Variants in HOOK1 observed in about 807,000 individuals in gnomAD.
The protein encoded by HOOK1 is protein Hook homolog 1.
Under a neutral mutation model 112.8 loss-of-function variants are expected in HOOK1, and 60 were observed. The observed-to-expected ratio is 0.53, with a 90% CI of 0.43 to 0.66. The LOEUF (loss-of-function observed/expected upper bound fraction) is 0.66. Ranked by LOEUF, HOOK1 falls within the 30% of genes least tolerant of loss-of-function variation. The pLI is 0.00. For synonymous variants in HOOK1, 294 were observed against 283.8 expected (o/e 1.04, Z -0.36); for missense variants, 770 against 856.0 (o/e 0.90, Z 1.25).
chr1:59,821,812 G>T (rs762686079), intron 1 of HOOK1, 46 bp from the exon 2 acceptor site: 7 of 1,240,690 alleles, frequency 5.6e-6, no homozygotes, highest in South Asian at 3.2e-5. Flanking sequence ...ATGCTACCTT[G>T]TAGGTATAAA....
At chr1:59,849,282 T>C (rs957172638) in intron 12 of HOOK1, 99 bp downstream of exon 12, 1 of 630,642 alleles carries the variant, frequency 1.6e-6, no homozygotes, top group Non-Finnish European at 2.6e-6. Context: ...ACCAGTTCTC[T>C]CTTCCTCCAG....
At chr1:59,854,001 AATATATATATATATATATATATAT>A (rs71046347) in intron 12 of HOOK1, among the ~76,000 whole-genome samples, 1 of 25,696 alleles carries the variant, frequency 3.9e-5, no homozygotes, top group Non-Finnish European at 6.6e-5. Context: ...ATTAATCTTA[AATATATATATATATATATATATAT>A]ATATATATAT....
At chr1:59,830,395 C>G (rs1478116976) in intron 3 of HOOK1, among the ~76,000 whole-genome samples, 1 of 152,048 alleles carries the variant, frequency 6.6e-6, no homozygotes, top group Non-Finnish European at 1.5e-5. Context: ...TTATTACACA[C>G]TATATTTCTT....
At chr1:59,832,970 T>C (rs1038868430) in intron 4 of HOOK1, among the ~76,000 whole-genome samples, 4 of 152,086 alleles carry the variant, frequency 2.6e-5, no homozygotes, top group African/African-American at 9.7e-5. Context: ...GGAAAAAAAA[T>C]TAATCCATTA....
intron 7 of HOOK1, among the ~76,000 whole-genome samples, chr1:59,838,365 T>C (rs1009604250): frequency 6.6e-6 from 1 of 152,224 alleles, no homozygotes; most frequent in African/African-American, 2.4e-5. Flanking sequence ...TGTTGTTTCC[T>C]GACTTTTTAA....
At chr1:59,862,954 T>G in intron 16 of HOOK1, 77 bp downstream of exon 16, 3 of 820,852 alleles carry the variant, frequency 3.7e-6, no homozygotes, top group Admixed American at 3.7e-5. Context: ...AAATTAATCT[T>G]GTATTGGAAA....
intron 14 of HOOK1, among the ~76,000 whole-genome samples, chr1:59,859,247 C>T (rs2098412314): frequency 1.3e-5 from 2 of 151,920 alleles, no homozygotes; most frequent in South Asian, 4.1e-4. Flanking sequence ...TTCACAAACC[C>T]GTTGAATAAC....
chr1:59,827,855 T>C (rs1354561724), intron 2 of HOOK1, among the ~76,000 whole-genome samples: 1 of 152,142 alleles, frequency 6.6e-6, no homozygotes, highest in Non-Finnish European at 1.5e-5. Flanking sequence ...CTCTTTACTT[T>C]TTCCCCTATT....
intron 10 of HOOK1, among the ~76,000 whole-genome samples, chr1:59,847,465 AC>A (rs1385397151): frequency 6.6e-6 from 1 of 151,650 alleles, no homozygotes; most frequent in Non-Finnish European, 1.5e-5. Flanking sequence ...ACTTATAGAT[AC>A]ATTTAACTTG....
At chr1:59,868,634 T>C (rs1021291510) in intron 20 of HOOK1, among the ~76,000 whole-genome samples, 7 of 152,382 alleles carry the variant, frequency 4.6e-5, no homozygotes, top group African/African-American at 1.7e-4. Flanking sequence ...CCTGCTATAA[T>C]GTTTCTTTTA....
In HOOK1 at chr1:59,875,308, G is replaced by T. The variant is rs1258595881; in HGVS notation, c.*2343G>T. 1.3e-5 allele frequency: 2 copies of T among 152,490 alleles called. No homozygotes were observed. The highest frequency in any genetic ancestry group is 4.8e-5 in the African/African-American group (2 of 41,438). The allele number at this position is 152,490 out of a possible 1,614,324, so 9.4% of individuals were successfully genotyped here. On this transcript the variant is annotated 3_prime_UTR_variant, in exon 22 of 22. Transcript: ENST00000371208. ...ATTCATTTTTCTTAATAGAGAAAAA[G>T]GAAATTTCTGATTTATCACTTTTCT... is the stretch of plus-strand genomic sequence containing the variant.
intron 5 of HOOK1, among the ~76,000 whole-genome samples, chr1:59,834,345 C>T (rs998421120): frequency 6.6e-6 from 1 of 152,040 alleles, no homozygotes; most frequent in Non-Finnish European, 1.5e-5. Context: ...ATAAATTTAC[C>T]TACAAACTCT....
intron 20 of HOOK1, among the ~76,000 whole-genome samples, chr1:59,868,849 C>T (rs1481625903): frequency 1.3e-5 from 2 of 152,136 alleles, no homozygotes; most frequent in East Asian, 3.8e-4. Flanking sequence ...AAGTGGAATT[C>T]TTAGTTATTA....
At chr1:59,854,240 C>T (rs1224381497) in intron 12 of HOOK1, among the ~76,000 whole-genome samples, 9 of 150,148 alleles carry the variant, frequency 6.0e-5, no homozygotes, top group Non-Finnish European at 1.3e-4. Flanking sequence ...TTAATAGAGA[C>T]GGGGTTTCAC....
At chr1:59,871,467 T>C (rs992223923) in intron 21 of HOOK1, among the ~76,000 whole-genome samples, 3 of 152,230 alleles carry the variant, frequency 2.0e-5, no homozygotes, top group African/African-American at 7.2e-5. Flanking sequence ...AAGATCTGTG[T>C]AATGCAAAAT....
chr1:59,855,954 ATATATAAATTAT>A (rs1254924334), intron 12 of HOOK1, among the ~76,000 whole-genome samples: 142 of 97,124 alleles, frequency 1.5e-3, no homozygotes, highest in African/African-American at 2.4e-3. Flanking sequence ...ATATATATAT[ATATATAAATTAT>A]TATATATATA....
intron 12 of HOOK1, among the ~76,000 whole-genome samples, chr1:59,850,374 G>A (rs2098406504): frequency 6.6e-6 from 1 of 150,958 alleles, no homozygotes; most frequent in Non-Finnish European, 1.5e-5. Flanking sequence ...ACATTTTGAT[G>A]AGATCAGAGT....
At chr1:59,864,279 G>T (rs1643918306) in intron 16 of HOOK1, among the ~76,000 whole-genome samples, 1 of 151,722 alleles carries the variant, frequency 6.6e-6, no homozygotes, top group Admixed American at 6.6e-5. Context: ...CTGAATAAAT[G>T]ATTTTTAAAA....
At chr1:59,860,781 T>C (rs1232239214) in intron 15 of HOOK1, among the ~76,000 whole-genome samples, 2 of 150,976 alleles carry the variant, frequency 1.3e-5, no homozygotes, top group Admixed American at 6.6e-5. Flanking sequence ...CTCTTTCTTT[T>C]TTTTTTTTTT....
Sources: allele counts gnomAD v4.1 joint callset (sites outside exome capture counted in the v4.1 genomes callset), GRCh38; gene constraint gnomAD v4.1.1; transcripts MANE v1.5; gene names NCBI Gene and HGNC (gene_info 2026-07-23, HGNC 2026-07-21).